MRAP2: variants seen among roughly 807,000 people sequenced by gnomAD.
The protein encoded by MRAP2 is melanocortin 2 receptor accessory protein 2, also known as melanocortin-2 receptor accessory protein 2.
In MRAP2, 20 loss-of-function variants were observed where a neutral mutation model predicts 17.4. The ratio of observed to expected loss-of-function variants is 1.15; its 90% CI spans 0.81 to 1.67. MRAP2 has a LOEUF of 1.67. Ranked by LOEUF, MRAP2 falls within the 40% of genes most tolerant of loss-of-function variation. The pLI, the probability that MRAP2 is intolerant of heterozygous loss-of-function variation, is 0.00. For missense variants in MRAP2, 238 were observed against 240.0 expected, an observed-to-expected ratio of 0.99 and a Z score of 0.05; for synonymous variants, 96 against 88.4, an observed-to-expected ratio of 1.09 and a Z score of -0.48.
chr6:84,136,197 C>A, the MRAP2 span, among the ~76,000 whole-genome samples: 1 of 152,222 alleles, frequency 6.6e-6, no homozygotes, highest in Non-Finnish European at 1.5e-5. Context: ...TCAGTTATAG[C>A]TGTCCAGTTT....
At chr6:84,084,942 T>C (rs1333902943) in intron 3 of MRAP2, among the ~76,000 whole-genome samples, 7 of 129,182 alleles carry the variant, frequency 5.4e-5, no homozygotes, top group East Asian at 2.2e-4. Context: ...CTTTATTTTA[T>C]TTTATTTTAT....
chr6:84,036,245 G>C (rs2099485938), intron 1 of MRAP2, among the ~76,000 whole-genome samples: 1 of 151,968 alleles, frequency 6.6e-6, no homozygotes, highest in Non-Finnish European at 1.5e-5. Context: ...GAGTATGAGG[G>C]TTCATCATGC....
chr6:84,063,100 T>G (rs2129167654), intron 3 of MRAP2, 108 bp downstream of exon 3: 1 of 1,539,158 alleles, frequency 6.5e-7, no homozygotes, highest in Non-Finnish European at 8.8e-7. Context: ...GAGAAGGGGG[T>G]GGTTATAGAT....
At chr6:84,045,403 A>G in intron 1 of MRAP2, 2 of 984,876 alleles carry the variant, frequency 2.0e-6, no homozygotes, top group Non-Finnish European at 2.4e-6. Flanking sequence ...CTCTGGAGCC[A>G]CCTCCACGAA....
downstream of MRAP2, among the ~76,000 whole-genome samples, chr6:84,093,723 A>G (rs1211562813): frequency 6.6e-6 from 1 of 152,154 alleles, no homozygotes; most frequent in East Asian, 1.9e-4. Context: ...TGTACATCAC[A>G]TGTCACAATA....
chr6:84,098,164 C>T, the MRAP2 span, among the ~76,000 whole-genome samples: 3 of 152,072 alleles, frequency 2.0e-5, no homozygotes, highest in Non-Finnish European at 2.9e-5. Context: ...TACAACAGAT[C>T]AGTCCATATT....
the MRAP2 span, among the ~76,000 whole-genome samples, chr6:84,105,434 G>A: frequency 1.1e-4 from 17 of 152,212 alleles, no homozygotes; most frequent in South Asian, 8.3e-4. Context: ...CTTGTGCAGC[G>A]GAATTCCTCT....
At chr6:84,075,551 T>C (rs1247272287) in intron 3 of MRAP2, among the ~76,000 whole-genome samples, 2 of 152,228 alleles carry the variant, frequency 1.3e-5, no homozygotes, top group Non-Finnish European at 2.9e-5. Context: ...CCATTTACTC[T>C]GCATGCTGTC....
intron 3 of MRAP2, among the ~76,000 whole-genome samples, chr6:84,070,138 GGGTTT>G (rs1179044072): frequency 1.3e-5 from 2 of 151,930 alleles, no homozygotes; most frequent in African/African-American, 4.8e-5. Context: ...TGCTGGGTTT[GGGTTT>G]GGTTTGTTCT....
chr6:84,137,421 G>T, the MRAP2 span, among the ~76,000 whole-genome samples: 1 of 151,978 alleles, frequency 6.6e-6, no homozygotes. Flanking sequence ...GAATATTTGC[G>T]ACAAATTACA....
In MRAP2 at chr6:84,045,315, G is replaced by A. The variant is rs968818824; in HGVS notation, c.-7-9997G>A. On this transcript the variant is annotated intron_variant, in intron 1 of 3. Transcript: ENST00000257776. ...TGTCAGGTACAGCTGATGAGGCTGC[G>A]AGGGCAGAGATCCAAATCTGCACTG... 23 of 985,370 alleles carry A rather than the reference G, an allele frequency of 2.3e-5. No individual in the cohort carries two copies. In the South Asian group the frequency reaches 3.8e-4, roughly 16 times the overall value. The allele number at this position is 985,370 out of a possible 1,614,324, so 61.0% of individuals were successfully genotyped here.
chr6:84,072,960 A>G (rs995093511), intron 3 of MRAP2, among the ~76,000 whole-genome samples: 3 of 152,212 alleles, frequency 2.0e-5, no homozygotes, highest in African/African-American at 7.2e-5. Context: ...TTTCCAGGCA[A>G]TGGGCAGCCA....
the MRAP2 span, among the ~76,000 whole-genome samples, chr6:84,113,504 A>G: frequency 6.6e-6 from 1 of 152,192 alleles, no homozygotes; most frequent in African/African-American, 2.4e-5. Context: ...GGTCTCCTGA[A>G]TACAGCACAC....
chr6:84,133,786 G>C, the MRAP2 span, among the ~76,000 whole-genome samples: 1 of 152,140 alleles, frequency 6.6e-6, no homozygotes, highest in African/African-American at 2.4e-5. Context: ...GGCTAGGAAA[G>C]GGAATTCCCA....
intron 2 of MRAP2, among the ~76,000 whole-genome samples, chr6:84,059,483 C>T (rs1051724817): frequency 3.9e-5 from 6 of 152,252 alleles, no homozygotes; most frequent in Admixed American, 6.5e-5. Flanking sequence ...CATATAACCA[C>T]GAAGTGGAAA....
chr6:84,136,092 C>G, the MRAP2 span, among the ~76,000 whole-genome samples: 1 of 152,114 alleles, frequency 6.6e-6, no homozygotes, highest in African/African-American at 2.4e-5. Context: ...GCTGACAAGG[C>G]CTTGATATTG....
At chr6:84,081,579 GA>G (rs1366546734) in intron 3 of MRAP2, among the ~76,000 whole-genome samples, 1 of 152,234 alleles carries the variant, frequency 6.6e-6, no homozygotes, top group Non-Finnish European at 1.5e-5. Context: ...AGCAGTTTGG[GA>G]GGCCGAAGCA....
chr6:84,060,844 C>A (rs543369412), intron 2 of MRAP2, among the ~76,000 whole-genome samples: 2 of 149,232 alleles, frequency 1.3e-5, no homozygotes, highest in South Asian at 4.3e-4. Context: ...TGCCACCACA[C>A]CCGGCTAATT....
At chr6:84,113,740 C>T in the MRAP2 span, among the ~76,000 whole-genome samples, 1 of 152,142 alleles carries the variant, frequency 6.6e-6, no homozygotes, top group Non-Finnish European at 1.5e-5. Context: ...TCCTTTCCAA[C>T]TTCAGTGCTT....
Sources: allele counts gnomAD v4.1 joint callset (sites outside exome capture counted in the v4.1 genomes callset), GRCh38; gene constraint gnomAD v4.1.1; transcripts MANE v1.5; gene names NCBI Gene and HGNC (gene_info 2026-07-23, HGNC 2026-07-21).